GABRB1: variants seen among roughly 807,000 people sequenced by gnomAD.
GABRB1 encodes the protein gamma-aminobutyric acid receptor subunit beta-1.
A neutral mutation model predicts 51.6 loss-of-function variants in GABRB1; 17 were observed. The observed-to-expected ratio is 0.33, with a 90% confidence interval of 0.23 to 0.49. The LOEUF is 0.49. Among genes scored for constraint, GABRB1 ranks in the 20% least tolerant of loss-of-function variants. The probability of loss-of-function intolerance (pLI) is 0.99; values close to 1 mark genes in which losing one functional copy is unlikely to be tolerated. For missense variants in GABRB1, 410 were observed against 600.6 expected (o/e 0.68, Z 3.32); for synonymous variants, 247 against 218.9 (o/e 1.13, Z -1.14).
chr4:47,355,717 A>G (rs1726541998), intron 5 of GABRB1, among the ~76,000 whole-genome samples: 1 of 152,172 alleles, frequency 6.6e-6, no homozygotes, highest in Non-Finnish European at 1.5e-5. Context: ...AGAAATTGTT[A>G]GCACCATTAG....
intron 3 of GABRB1, among the ~76,000 whole-genome samples, chr4:47,038,197 T>C (rs1725681201): frequency 6.6e-6 from 1 of 152,174 alleles, no homozygotes; most frequent in South Asian, 2.1e-4. Context: ...CACAAGAATT[T>C]ATTGAGTTCC....
At chr4:47,008,809 G>A (rs570454116) in intron 1 of GABRB1, among the ~76,000 whole-genome samples, 5 of 135,262 alleles carry the variant, frequency 3.7e-5, no homozygotes, top group Non-Finnish European at 7.7e-5. Context: ...AAAAATACCA[G>A]CAGTATTAAC....
intron 3 of GABRB1, among the ~76,000 whole-genome samples, chr4:47,071,208 G>C (rs1328756959): frequency 6.6e-6 from 1 of 152,080 alleles, no homozygotes; most frequent in Non-Finnish European, 1.5e-5. Context: ...CATTGCTATT[G>C]CTATTGTCTA....
At chr4:47,205,118 T>A (rs1720061515) in intron 4 of GABRB1, among the ~76,000 whole-genome samples, 1 of 152,114 alleles carries the variant, frequency 6.6e-6, no homozygotes, top group Non-Finnish European at 1.5e-5. Context: ...GCATATGAAA[T>A]CCATGTGGCA....
In GABRB1 at chr4:47,088,838, C is replaced by T. The variant is rs1325782924; in HGVS notation, c.240+56354C>T. Among the ~76,000 whole-genome samples the T allele has an allele frequency of 2.0e-5, 3 of 152,184 alleles. No individual in the cohort carries two copies. In the East Asian group the frequency reaches 5.8e-4, roughly 29 times the overall value. On this transcript the variant is annotated intron_variant, in intron 3 of 8. Coordinates refer to ENST00000295454, the MANE Select transcript of GABRB1 (RefSeq NM_000812.4). ...GTAGTTTATTCTAGCTATAGTCAAC[C>T]TTTACAAGGCGCACCTTTGCTTGGA...
chr4:47,299,322 A>G (rs1724147629), intron 4 of GABRB1, among the ~76,000 whole-genome samples: 1 of 152,116 alleles, frequency 6.6e-6, no homozygotes, highest in African/African-American at 2.4e-5. Flanking sequence ...ATGGGAGAAA[A>G]TTTTCGCAAC....
chr4:47,340,328 C>T (rs1332446752), intron 5 of GABRB1, among the ~76,000 whole-genome samples: 1 of 152,174 alleles, frequency 6.6e-6, no homozygotes, highest in African/African-American at 2.4e-5. Flanking sequence ...AATCTCACAT[C>T]AGCCCATTCA....
intron 4 of GABRB1, among the ~76,000 whole-genome samples, chr4:47,194,830 G>T (rs1719581902): frequency 2.6e-5 from 4 of 152,166 alleles, no homozygotes; most frequent in Admixed American, 2.0e-4. Context: ...AGGATATTAA[G>T]TTCCTTAAAT....
intron 4 of GABRB1, among the ~76,000 whole-genome samples, chr4:47,179,377 T>A (rs1718848583): frequency 6.6e-6 from 1 of 152,114 alleles, no homozygotes; most frequent in Non-Finnish European, 1.5e-5. Flanking sequence ...GTGTGGCGAT[T>A]CCTCAAGGAT....
chr4:47,236,192 T>G (rs1333914448), intron 4 of GABRB1, among the ~76,000 whole-genome samples: 1 of 152,138 alleles, frequency 6.6e-6, no homozygotes, highest in African/African-American at 2.4e-5. Context: ...CATTTCAGTT[T>G]ATCCTTTTGA....
chr4:47,037,852 G>C (rs1725665995), intron 3 of GABRB1, among the ~76,000 whole-genome samples: 2 of 152,192 alleles, frequency 1.3e-5, no homozygotes, highest in African/African-American at 4.8e-5. Flanking sequence ...AATGTTGTTA[G>C]GTTAAATACC....
chr4:47,057,222 G>A (rs1726651931), intron 3 of GABRB1, among the ~76,000 whole-genome samples: 1 of 152,178 alleles, frequency 6.6e-6, no homozygotes, highest in South Asian at 2.1e-4. Context: ...GAGGAATCTA[G>A]ACCTCTCTCA....
At chr4:47,355,267 C>T (rs1238107402) in intron 5 of GABRB1, among the ~76,000 whole-genome samples, 1 of 152,064 alleles carries the variant, frequency 6.6e-6, no homozygotes, top group Non-Finnish European at 1.5e-5. Flanking sequence ...TGGCGTGAGC[C>T]ACCACACATG....
At chr4:46,995,053 C>A (rs1723944318) in intron 1 of GABRB1, among the ~76,000 whole-genome samples, 1 of 152,160 alleles carries the variant, frequency 6.6e-6, no homozygotes, top group Non-Finnish European at 1.5e-5. Flanking sequence ...AATCCCATCT[C>A]TATCATTCTT....
intron 4 of GABRB1, among the ~76,000 whole-genome samples, chr4:47,268,044 A>C (rs1159258160): frequency 6.6e-6 from 1 of 152,210 alleles, no homozygotes. Flanking sequence ...ATGGCACTTG[A>C]CTTGTCATCA....
intron 4 of GABRB1, among the ~76,000 whole-genome samples, chr4:47,171,042 G>C (rs780028019): frequency 2.0e-5 from 3 of 152,124 alleles, no homozygotes; most frequent in Non-Finnish European, 2.9e-5. Context: ...GGTATATATG[G>C]CATTGTAACC....
chr4:47,154,927 A>C (rs1379694947), intron 3 of GABRB1, among the ~76,000 whole-genome samples: 1 of 151,960 alleles, frequency 6.6e-6, no homozygotes, highest in Admixed American at 6.6e-5. Context: ...GTGCAGCCCT[A>C]ATTCTTAGTT....
At chr4:47,298,343 C>G (rs999180793) in intron 4 of GABRB1, among the ~76,000 whole-genome samples, 1 of 152,174 alleles carries the variant, frequency 6.6e-6, no homozygotes, top group African/African-American at 2.4e-5. Flanking sequence ...AAAACCCCAT[C>G]ATCTCAGCCC....
intron 3 of GABRB1, among the ~76,000 whole-genome samples, chr4:47,130,064 C>G (rs544289265): frequency 1.3e-5 from 2 of 152,124 alleles, no homozygotes; most frequent in Non-Finnish European, 2.9e-5. Context: ...TCCTCCATTG[C>G]GTGGATGATT....
Sources: allele counts gnomAD v4.1 joint callset (sites outside exome capture counted in the v4.1 genomes callset), GRCh38; gene constraint gnomAD v4.1.1; transcripts MANE v1.5; gene names NCBI Gene and HGNC (gene_info 2026-07-23, HGNC 2026-07-21).